Variants in ZNF891 observed in about 807,000 individuals in gnomAD.
The protein encoded by ZNF891 is zinc finger protein 891.
For missense variants in ZNF891, 589 were observed against 632.7 expected (o/e 0.93, Z 0.74); for synonymous variants, 199 against 209.0 (o/e 0.95, Z 0.41).
Position 133,121,250 on chromosome 12 carries a change from A to G in ZNF891, c.669T>C (p.Ile223=). ...TGATTGAATTGTGTTTCAAACATCC[A>G]ATCTCTGAGTAACATTTTTGGCAAT... ...SKHCQKCYSE[I]GCLKHNSIIN... Residue 223 remains isoleucine (I), a synonymous_variant, in exon 2 of 2, where the codon ATT becomes ATC. Transcript: ENST00000537226. 1 of 1,535,722 alleles carries G rather than the reference A, an allele frequency of 6.5e-7. No individual in the cohort carries two copies. Among genetic ancestry groups the G allele is most frequent in the Non-Finnish European group, 8.7e-7 (1 of 1,146,852 alleles).
chr12:133,114,969 T>C lies in ZNF891; in HGVS notation c.*5315A>G, dbSNP rs1955707228. On this transcript the variant is annotated 3_prime_UTR_variant, in exon 2 of 2. Transcript: ENST00000537226. ...AAAGCACAATATATAAACAATATTATTGATTGCAGTATTGTTATAAAAACT... is the reference window on the plus strand; with the variant it reads ...AAAGCACAATATATAAACAATATTACTGATTGCAGTATTGTTATAAAAACT... 1 of 152,254 alleles carries C rather than the reference T, an allele frequency of 6.6e-6. No homozygotes were observed. Among genetic ancestry groups the C allele is most frequent in the South Asian group, 2.1e-4 (1 of 4,834 alleles). The allele number at this position is 152,254 out of a possible 1,614,324, so 9.4% of individuals were successfully genotyped here.
chr12:133,106,654 T>C lies in ZNF891; in HGVS notation c.*13630A>G. 6.4e-7 allele frequency: 1 copy of C among 1,561,056 alleles called. No homozygotes were observed. The highest frequency in any genetic ancestry group is 8.6e-7 in the Non-Finnish European group (1 of 1,160,758). The stretch of plus-strand genomic sequence containing the variant: ...CATTCCTTACTGAACACCAGTGAAT[T>C]TACACTGCAAAGAAAAACTATGAAT... On this transcript the variant is annotated 3_prime_UTR_variant, in exon 2 of 2. Coordinates refer to ENST00000537226, the MANE Select transcript of ZNF891 (RefSeq NM_001277291.2).
At chr12:133,124,852 C>G (rs1224256172) in intron 1 of ZNF891, among the ~76,000 whole-genome samples, 1 of 149,870 alleles carries the variant, frequency 6.7e-6, no homozygotes, top group Non-Finnish European at 1.5e-5. Flanking sequence ...CAAGATAGTT[C>G]CTGAAGGAAC....
At chr12:133,130,108 G>C (rs1955860852) in intron 1 of ZNF891, 119 bp downstream of exon 1, 4 of 152,638 alleles carry the variant, frequency 2.6e-5, no homozygotes, top group African/African-American at 9.6e-5. Context: ...CTCCCGGGCA[G>C]GCTCCCTGCT....
rs1047392180 is a variant in ZNF891 at position 133,114,515 on chromosome 12, T to C, written c.*5769A>G. On this transcript the variant is annotated 3_prime_UTR_variant, in exon 2 of 2. Transcript: ENST00000537226. The stretch of plus-strand genomic sequence containing the variant: ...CTTTTAAGTTAAACTTCCACTAGAA[T>C]GGTAAGTAAAAGAAAAGGCACAAAA... 6.6e-6 allele frequency: 1 copy of C among 152,174 alleles called. No individual in the cohort carries two copies. Among genetic ancestry groups the C allele is most frequent in the Admixed American group, 6.5e-5 (1 of 15,280 alleles). 9.4% of individuals were successfully genotyped at this position (152,174 alleles called of 1,614,324 possible). A position where few individuals can be genotyped will look rare whatever the true frequency, so the allele number is the denominator to read the frequency against.
chr12:133,114,912 C>T lies in ZNF891; in HGVS notation c.*5372G>A, dbSNP rs1955706814. On this transcript the variant is annotated 3_prime_UTR_variant, in exon 2 of 2. Coordinates refer to ENST00000537226, the MANE Select transcript of ZNF891 (RefSeq NM_001277291.2). ...GATCAGGTTAGTACTTTAGATGGAT[C>T]ACCCTGGGAAGTGTAGAGAACAGTT... is the stretch of plus-strand genomic sequence containing the variant. The T allele has an allele frequency of 6.6e-6, 1 of 152,188 alleles. No individual in the cohort carries two copies. The highest frequency in any genetic ancestry group is 1.9e-4 in the East Asian group (1 of 5,196). 9.4% of individuals were successfully genotyped at this position (152,188 alleles called of 1,614,324 possible).
At position 133,110,395 on chromosome 12, in the gene ZNF891, A is replaced by C. The variant is rs1955674857; in HGVS notation, c.*9889T>G. 1 of 152,220 alleles carries C rather than the reference A, an allele frequency of 6.6e-6. No individual in the cohort carries two copies. The highest frequency in any genetic ancestry group is 6.5e-5 in the Admixed American group (1 of 15,284). The allele number at this position is 152,220 out of a possible 1,614,324, so 9.4% of individuals were successfully genotyped here. A position where few individuals can be genotyped will look rare whatever the true frequency, so the allele number is the denominator to read the frequency against. Reference sequence around the variant, plus strand: ...CAGGAAAAAAAAGTTTTTTAAAAGAAGTCTCCCAAAAGGTTATTAAAACTA... The same window carrying C: ...CAGGAAAAAAAAGTTTTTTAAAAGACGTCTCCCAAAAGGTTATTAAAACTA... On this transcript the variant is annotated 3_prime_UTR_variant, in exon 2 of 2. Transcript: ENST00000537226.
Position 133,116,359 on chromosome 12 carries a change from C to T in ZNF891, c.*3925G>A, listed in dbSNP as rs947841598. On this transcript the variant is annotated 3_prime_UTR_variant, in exon 2 of 2. Transcript: ENST00000537226. The stretch of plus-strand genomic sequence containing the variant: ...GACCTCGTGATCCGCCTGCCTCGGC[C>T]TCCCAAAGTGCTGGGATTAGAAGCG... The T allele has an allele frequency of 3.9e-5, 6 of 152,604 alleles. No homozygotes were observed. Among genetic ancestry groups the T allele is most frequent in the African/African-American group, 1.4e-4 (6 of 41,550 alleles). 9.5% of individuals were successfully genotyped at this position (152,604 alleles called of 1,614,324 possible).
rs1378147255 is a variant in ZNF891, at chr12:133,115,418, A to AAAAAAG, written c.*4865_*4866insCTTTTT. ...AAAAAAAAAAAAAAAAAAAAAAAAG[A>AAAAAAG]TGTGGGATAAAAGGTATAACTCAAT... On this transcript the variant is annotated 3_prime_UTR_variant, in exon 2 of 2. Transcript: ENST00000537226. 1 of 139,296 alleles carries AAAAAAG rather than the reference A, an allele frequency of 7.2e-6. No homozygotes were observed. The highest frequency in any genetic ancestry group is 1.6e-5 in the Non-Finnish European group (1 of 63,634). The allele number at this position is 139,296 out of a possible 1,614,324, so 8.6% of individuals were successfully genotyped here. A position where few individuals can be genotyped will look rare whatever the true frequency, so the allele number is the denominator to read the frequency against.
rs1955752298 is a variant in ZNF891, at chr12:133,120,959, AT to A, written c.959del (p.His320LeufsTer44). 1 of 1,535,774 alleles carries A rather than the reference AT, an allele frequency of 6.5e-7. No individual in the cohort carries two copies. The highest frequency in any genetic ancestry group is 8.7e-7 in the Non-Finnish European group (1 of 1,146,834). On this transcript the variant is annotated frameshift_variant, in exon 2 of 2. Coordinates refer to ENST00000537226, the MANE Select transcript of ZNF891 (RefSeq NM_001277291.2). LOFTEE classifies it low-confidence loss of function (END_TRUNC). ...AGGCTTTTCCACATTGATTGCATTC[AT>A]GTTTCTTTTCAGTATGAGTTTGTCC... Reference protein sequence around the residue: ...KQGQTHTEKKHECNQCGKAFK... With the variant: ...KQGQTHTEKKXECNQCGKAFK...
Position 133,121,280 on chromosome 12 carries a change from A to G in ZNF891, c.639T>C (p.Ser213=), listed in dbSNP as rs750706400. Reference sequence around the variant, plus strand: ...CTGAGTAACATTTTTGGCAATGTTTACTGGTGAAAATGCTCTGTGAAAAAA... The same window carrying G: ...CTGAGTAACATTTTTGGCAATGTTTGCTGGTGAAAATGCTCTGTGAAAAAA... The part of the protein sequence containing the change: ...KLIFSQSIFT[S]KHCQKCYSEI... The change falls in exon 2 of 2, where the codon AGT becomes AGC. Residue 213 remains serine (S), a synonymous_variant. Transcript: ENST00000537226. 6.5e-7 allele frequency: 1 copy of G among 1,535,660 alleles called. No homozygotes were observed. The highest frequency in any genetic ancestry group is 8.7e-7 in the Non-Finnish European group (1 of 1,146,782).
Position 133,121,576 on chromosome 12 carries a change from G to A in ZNF891, c.343C>T (p.Gln115Ter), listed in dbSNP as rs1054646488. The change falls in exon 2 of 2, where the codon CAG becomes TAG. Residue 115 changes from glutamine (Q) to a stop codon, truncating the protein, a stop_gained. Transcript: ENST00000537226. LOFTEE classifies it low-confidence loss of function (END_TRUNC). ...KRIPQAICPD[Q>*]KIQPKTKEST... ...TCTTTGGTTTTAGGTTGAATCTTCTGGTCTGGACAGATGGCTTGGGGAATT... is the reference window on the plus strand; with the variant it reads ...TCTTTGGTTTTAGGTTGAATCTTCTAGTCTGGACAGATGGCTTGGGGAATT... The A allele has an allele frequency of 9.8e-6, 15 of 1,536,426 alleles. 1 individual carries two copies. In the African/African-American group the frequency reaches 2.1e-4, roughly 21 times the overall value.
rs1247476785 is a variant in ZNF891 at position 133,108,633 on chromosome 12, C to T, written c.*11651G>A. 1.3e-5 allele frequency: 2 copies of T among 152,214 alleles called. No individual in the cohort carries two copies. 9.4% of individuals were successfully genotyped at this position (152,214 alleles called of 1,614,324 possible). On this transcript the variant is annotated 3_prime_UTR_variant, in exon 2 of 2. Transcript: ENST00000537226. ...CCCTTTACAGAAAAACTTGGCCAAC[C>T]CCTGACTACATCAAATCTTTGCCCT...
At chr12:133,127,245 G>A (rs773176734) in intron 1 of ZNF891, among the ~76,000 whole-genome samples, 2 of 152,060 alleles carry the variant, frequency 1.3e-5, no homozygotes, top group Non-Finnish European at 2.9e-5. Context: ...GATTACAGGC[G>A]TGAGCCACGG....
In ZNF891 at chr12:133,106,687, A is replaced by AT. The variant is rs773874866; in HGVS notation, c.*13596dup. 7 of 1,501,160 alleles carry AT rather than the reference A, an allele frequency of 4.7e-6. No homozygotes were observed. The highest frequency in any genetic ancestry group is 2.3e-5 in the East Asian group (1 of 44,274). The allele number at this position is 1,501,160 out of a possible 1,614,324, so 93.0% of individuals were successfully genotyped here. A position where few individuals can be genotyped will look rare whatever the true frequency, so the allele number is the denominator to read the frequency against. On this transcript the variant is annotated 3_prime_UTR_variant, in exon 2 of 2. Transcript: ENST00000537226. ...CAAAGAAAAACTATGAATGTATGGA[A>AT]TTTTTTAAAAAGAAGTATAATGCCT...
chr12:133,113,373 GT>G lies in ZNF891; in HGVS notation c.*6910del, dbSNP rs1460857541. 6.6e-6 allele frequency: 1 copy of G among 151,960 alleles called. No homozygotes were observed. The highest frequency in any genetic ancestry group is 1.5e-5 in the Non-Finnish European group (1 of 67,964). The allele number at this position is 151,960 out of a possible 1,614,324, so 9.4% of individuals were successfully genotyped here. A position where few individuals can be genotyped will look rare whatever the true frequency, so the allele number is the denominator to read the frequency against. On this transcript the variant is annotated 3_prime_UTR_variant, in exon 2 of 2. Transcript: ENST00000537226. ...ACATAACCATTGATAAAACTTTGGT[GT>G]TATGTCTTTCCATATTTTCAATGCA...
At chr12:133,124,220 T>G (rs551676856) in intron 1 of ZNF891, among the ~76,000 whole-genome samples, 2 of 152,304 alleles carry the variant, frequency 1.3e-5, no homozygotes, top group African/African-American at 2.4e-5. Flanking sequence ...GATGGCACTT[T>G]AAATCGGTGG....
In ZNF891 at chr12:133,122,001, G is replaced by T; in HGVS notation, c.-83C>A. 2 of 1,407,366 alleles carry T rather than the reference G, an allele frequency of 1.4e-6. No homozygotes were observed. 87.2% of individuals were successfully genotyped at this position (1,407,366 alleles called of 1,614,324 possible). A position where few individuals can be genotyped will look rare whatever the true frequency, so the allele number is the denominator to read the frequency against. Reference sequence around the variant, plus strand: ...GTGTCTCCAATCCAGTCACAGGAGGGATGCATTTCACCCGAAGTTCTCCCT... The same window carrying T: ...GTGTCTCCAATCCAGTCACAGGAGGTATGCATTTCACCCGAAGTTCTCCCT... On this transcript the variant is annotated 5_prime_UTR_variant, in exon 2 of 2. Transcript: ENST00000537226.
rs761795049 is a variant in ZNF891 at position 133,120,624 on chromosome 12, TAG to T, written c.1293_1294del (p.Tyr432Ter). ...GGCTTTTCCACACTCACTGCATTCA[TAG>T]AGTTTTTCTCCAGTGTGTATTCTCT... On this transcript the variant is annotated frameshift_variant, in exon 2 of 2. Transcript: ENST00000537226. LOFTEE classifies it low-confidence loss of function (END_TRUNC). The T allele has an allele frequency of 1.2e-5, 19 of 1,560,498 alleles. No homozygotes were observed. The highest frequency in any genetic ancestry group is 4.8e-5 in the East Asian group (2 of 41,672).
Sources: allele counts gnomAD v4.1 joint callset (sites outside exome capture counted in the v4.1 genomes callset), GRCh38; gene constraint gnomAD v4.1.1; transcripts MANE v1.5; gene names NCBI Gene and HGNC (gene_info 2026-07-23, HGNC 2026-07-21).